Variants in PGM1 observed in about 807,000 individuals in gnomAD.
PGM1 encodes the protein phosphoglucomutase 1, also known as phosphoglucomutase-1.
PGM1 carries 52 observed loss-of-function variants against 55.6 expected under a neutral mutation model. That is an observed-to-expected ratio of 0.94 (90% CI 0.75 to 1.18). The LOEUF (loss-of-function observed/expected upper bound fraction) is 1.18, where lower values mean the gene tolerates loss of function less well. Among genes scored for constraint, PGM1 ranks in the 50% most tolerant of loss-of-function variants. The probability of loss-of-function intolerance (pLI) is 0.00; values close to 1 mark genes in which losing one functional copy is unlikely to be tolerated. For missense variants in PGM1, 724 were observed against 729.3 expected, an observed-to-expected ratio of 0.99 and a Z score of 0.08; for synonymous variants, 287 against 271.7, an observed-to-expected ratio of 1.06 and a Z score of -0.55.
At chr1:63,658,550 C>T (rs1650029176) in intron 10 of PGM1, among the ~76,000 whole-genome samples, 1 of 151,930 alleles carries the variant, frequency 6.6e-6, no homozygotes, top group Non-Finnish European at 1.5e-5. Flanking sequence ...GTCGGGAGTT[C>T]AAGACCAGCC....
chr1:63,625,548 C>T (rs1471173970), intron 1 of PGM1, among the ~76,000 whole-genome samples: 3 of 152,024 alleles, frequency 2.0e-5, no homozygotes, highest in Non-Finnish European at 4.4e-5. Context: ...TTTAACATGC[C>T]TTTGATTGTG....
At chr1:63,613,994 C>T (rs1164213971) in intron 1 of PGM1, among the ~76,000 whole-genome samples, 1 of 152,108 alleles carries the variant, frequency 6.6e-6, no homozygotes, top group Non-Finnish European at 1.5e-5. Context: ...ATTGTGAGTC[C>T]TGGAGCAACT....
At position 63,642,122 on chromosome 1, in the gene PGM1, G is replaced by A. The variant is rs959787334; in HGVS notation, c.1144+3322G>A. The stretch of plus-strand genomic sequence containing the variant: ...GGGTTGGGAACCCCAGGGTCTTTGC[G>A]GGAAGAAATGCACTTTTACAAAAGA... On this transcript the variant is annotated intron_variant, in intron 7 of 10. Coordinates refer to ENST00000371084, the MANE Select transcript of PGM1 (RefSeq NM_002633.3). Among the ~76,000 whole-genome samples, 44 of 152,102 alleles carry A rather than the reference G, an allele frequency of 2.9e-4. 1 individual carries two copies. Among genetic ancestry groups the A allele is most frequent in the Non-Finnish European group, 1.3e-4 (9 of 68,022 alleles).
chr1:63,632,535 G>A (rs1031454796), intron 4 of PGM1, among the ~76,000 whole-genome samples: 5 of 152,106 alleles, frequency 3.3e-5, no homozygotes, highest in African/African-American at 1.2e-4. Flanking sequence ...GTCCTAGCTG[G>A]CCTCTGGACT....
chr1:63,612,143 G>C (rs1238655280), intron 1 of PGM1, among the ~76,000 whole-genome samples: 1 of 151,838 alleles, frequency 6.6e-6, no homozygotes, highest in African/African-American at 2.4e-5. Flanking sequence ...TGTAATCCCA[G>C]CTACTTGGGA....
chr1:63,654,398 G>A lies in PGM1; in HGVS notation c.1531G>A (p.Gly511Arg), dbSNP rs757735505. The A allele has an allele frequency of 1.3e-5, 21 of 1,613,612 alleles. No homozygotes were observed. The highest frequency in any genetic ancestry group is 3.3e-5 in the South Asian group (3 of 91,066). Residue 511 changes from glycine to arginine, a missense_variant, in exon 10 of 11, where the codon GGG (glycine) becomes AGG (arginine). By Grantham distance (125) the Gly-to-Arg change is moderately radical. This residue lies in a region of PGM1 where 316 missense variants were observed against 313.1 expected (regional missense o/e 1.01). Transcript: ENST00000371084. ...CCGACTGAGCGGCACTGGGAGTGCC[G>A]GGGCCACCATTCGGCTGTACATCGA... Reference protein sequence around the residue: ...VFRLSGTGSAGATIRLYIDSY... With the variant: ...VFRLSGTGSARATIRLYIDSY...
At position 63,641,944 on chromosome 1, in the gene PGM1, T is replaced by C. The variant is rs1649529386; in HGVS notation, c.1144+3144T>C. Among the ~76,000 whole-genome samples, 3 of 152,166 alleles carry C rather than the reference T, an allele frequency of 2.0e-5. No individual in the cohort carries two copies. In the South Asian group the frequency reaches 6.2e-4, roughly 32 times the overall value. ...GGAAAAGAAAGAACTTTAAAAGGTA[T>C]CTGATGTAAATTCCTGTATGATGCT... On this transcript the variant is annotated intron_variant, in intron 7 of 10. Coordinates refer to ENST00000371084, the MANE Select transcript of PGM1 (RefSeq NM_002633.3).
chr1:63,622,915 G>A (rs1331021812), intron 1 of PGM1, among the ~76,000 whole-genome samples: 2 of 152,218 alleles, frequency 1.3e-5, no homozygotes, highest in African/African-American at 4.8e-5. Flanking sequence ...TAGGTGGCAT[G>A]GGGCAACTTT....
At chr1:63,641,879 A>G (rs1255587507) in intron 7 of PGM1, among the ~76,000 whole-genome samples, 1 of 152,232 alleles carries the variant, frequency 6.6e-6, no homozygotes, top group African/African-American at 2.4e-5. Flanking sequence ...CATGAACACT[A>G]TTCACTTGGC....
At chr1:63,606,923 A>G (rs1462018821) in intron 1 of PGM1, among the ~76,000 whole-genome samples, 1 of 152,236 alleles carries the variant, frequency 6.6e-6, no homozygotes, top group Non-Finnish European at 1.5e-5. Flanking sequence ...GAAAGGAACC[A>G]AGGCACAAAC....
chr1:63,621,341 G>C (rs1055032026), intron 1 of PGM1, among the ~76,000 whole-genome samples: 2 of 151,692 alleles, frequency 1.3e-5, no homozygotes, highest in South Asian at 2.1e-4. Context: ...TGGGATGTGG[G>C]AATATCCTTG....
chr1:63,658,066 C>T (rs1364172591), intron 10 of PGM1, among the ~76,000 whole-genome samples: 2 of 152,162 alleles, frequency 1.3e-5, no homozygotes, highest in Non-Finnish European at 2.9e-5. Flanking sequence ...ACCATCTAGC[C>T]GGGGAGCTGC....
At chr1:63,593,952 C>T in intron 1 of PGM1, 1 of 1,208,584 alleles carries the variant, frequency 8.3e-7, no homozygotes, top group Non-Finnish European at 1.0e-6. Flanking sequence ...GGCAGACCTG[C>T]TCGCCTGACT....
chr1:63,615,590 C>G (rs943785014), intron 1 of PGM1, among the ~76,000 whole-genome samples: 1 of 100,330 alleles, frequency 1.0e-5, no homozygotes, highest in Non-Finnish European at 1.8e-5. Context: ...TGAGACAGAG[C>G]CTTACTCTGT....
At chr1:63,602,527 C>T (rs1326099464) in intron 1 of PGM1, among the ~76,000 whole-genome samples, 1 of 152,178 alleles carries the variant, frequency 6.6e-6, no homozygotes, top group African/African-American at 2.4e-5. Flanking sequence ...CAGGTCACCA[C>T]ATGTAGAGTT....
At chr1:63,633,924 A>G (rs1557433684) in intron 4 of PGM1, among the ~76,000 whole-genome samples, 7 of 67,352 alleles carry the variant, frequency 1.0e-4, no homozygotes, top group African/African-American at 2.7e-4. Flanking sequence ...GTGTGTATAT[A>G]TATATATATT....
rs754762400 is a variant in PGM1, at chr1:63,648,620, T to C, written c.1248T>C (p.His416=). The C allele has an allele frequency of 1.8e-5, 29 of 1,613,976 alleles. No individual in the cohort carries two copies. The highest frequency in any genetic ancestry group is 9.3e-5 in the African/African-American group (7 of 74,902). The stretch of plus-strand genomic sequence containing the variant: ...GTGTGGAGGACATTCTCAAAGATCA[T>C]TGGCAAAAGTATGGCCGGAATTTCT... ...KQSVEDILKD[H]WQKYGRNFFT... The change falls in exon 8 of 11, where the codon CAT becomes CAC. Residue 416 remains histidine, a synonymous_variant. Coordinates refer to ENST00000371084, the MANE Select transcript of PGM1 (RefSeq NM_002633.3).
intron 4 of PGM1, among the ~76,000 whole-genome samples, chr1:63,633,924 ATATATATATTTT>A (rs1557433694): frequency 3.3e-4 from 22 of 67,356 alleles, no homozygotes; most frequent in African/African-American, 1.7e-3. Context: ...GTGTGTATAT[ATATATATATTTT>A]TTTTTTTTTT....
At chr1:63,610,045 A>C (rs1648526368) in intron 1 of PGM1, among the ~76,000 whole-genome samples, 1 of 152,240 alleles carries the variant, frequency 6.6e-6, no homozygotes, top group Admixed American at 6.5e-5. Flanking sequence ...ATTTTGCTTC[A>C]AATTTCAGTT....
Sources: allele counts gnomAD v4.1 joint callset (sites outside exome capture counted in the v4.1 genomes callset), GRCh38; gene constraint gnomAD v4.1.1; regional missense constraint gnomAD v4.1.1; transcripts MANE v1.5; gene names NCBI Gene and HGNC (gene_info 2026-07-23, HGNC 2026-07-21).